Variants in VEPH1 observed in about 807,000 individuals in gnomAD.
The protein encoded by VEPH1 is ventricular zone expressed PH domain containing 1.
A neutral mutation model predicts 85.2 loss-of-function variants in VEPH1; 80 were observed. The ratio of observed to expected loss-of-function variants is 0.94; its 90% confidence interval spans 0.78 to 1.13. The LOEUF is 1.13. VEPH1 is among the 50% of genes most tolerant of loss of function. The pLI is 0.00. For synonymous variants in VEPH1, 297 were observed against 348.0 expected (o/e 0.85, Z 1.63); for missense variants, 955 against 980.5 (o/e 0.97, Z 0.35).
chr3:157,320,556 G>C (rs550380873), intron 9 of VEPH1, among the ~76,000 whole-genome samples: 1 of 152,150 alleles, frequency 6.6e-6, no homozygotes, highest in East Asian at 1.9e-4. Context: ...CATTTTTCTA[G>C]ACTAAATGTT....
At chr3:157,302,393 T>G (rs1195202355) in intron 11 of VEPH1, among the ~76,000 whole-genome samples, 1 of 152,094 alleles carries the variant, frequency 6.6e-6, no homozygotes, top group Non-Finnish European at 1.5e-5. Flanking sequence ...TACACCGAAA[T>G]CCTATCCCCC....
rs147379083 is a variant in VEPH1 at position 157,363,445 on chromosome 3, T to C, written c.1654A>G (p.Lys552Glu). The stretch of plus-strand genomic sequence containing the variant: ...GCTTTCACTTTGCTGAGGTTTTTTT[T>C]TAAGTGCAAGTAGAGCTTATCTTGG... ...EYQDKLYLHL[K>E]KNLSKVKAYA... Residue 552 changes from lysine (K) to glutamate (E), a missense_variant, in exon 9 of 14, where the codon AAA becomes GAA. Transcript: ENST00000362010. 1.6e-5 allele frequency: 26 copies of C among 1,613,552 alleles called. No homozygotes were observed. Among genetic ancestry groups the C allele is most frequent in the Admixed American group, 6.7e-5 (4 of 59,874 alleles).
At chr3:157,275,594 T>A (rs7622677) in intron 12 of VEPH1, among the ~76,000 whole-genome samples, 63,388 of 140,216 alleles carry the variant, frequency 0.45, 13,511 homozygotes, top group East Asian at 0.64. Context: ...CAACAAAAAA[T>A]ATATATATAT....
chr3:157,368,445 C>G (rs1559999809), intron 7 of VEPH1, among the ~76,000 whole-genome samples: 1 of 152,128 alleles, frequency 6.6e-6, no homozygotes, highest in African/African-American at 2.4e-5. Context: ...ACAGGACACT[C>G]AGCCAAATCT....
intron 13 of VEPH1, among the ~76,000 whole-genome samples, chr3:157,262,420 G>A (rs1470929702): frequency 2.6e-5 from 4 of 151,798 alleles, no homozygotes; most frequent in African/African-American, 9.7e-5. Context: ...ACTTGGAGAC[G>A]GATGGTCACA....
At chr3:157,456,800 T>G (rs981747446) in intron 4 of VEPH1, among the ~76,000 whole-genome samples, 1 of 151,988 alleles carries the variant, frequency 6.6e-6, no homozygotes, top group South Asian at 2.1e-4. Flanking sequence ...TTTGAAGTAA[T>G]ACAGTGTGAT....
chr3:157,457,209 G>A (rs565032705), intron 4 of VEPH1, among the ~76,000 whole-genome samples: 1 of 152,228 alleles, frequency 6.6e-6, no homozygotes, highest in Non-Finnish European at 1.5e-5. Flanking sequence ...GAGTGCTAGT[G>A]ACTTTTGTAC....
chr3:157,419,779 C>T (rs1415174787), intron 5 of VEPH1, among the ~76,000 whole-genome samples: 2 of 152,028 alleles, frequency 1.3e-5, no homozygotes, highest in African/African-American at 4.8e-5. Flanking sequence ...CTTCAAAGAC[C>T]CAGAACCAGA....
intron 12 of VEPH1, among the ~76,000 whole-genome samples, chr3:157,269,960 G>T (rs1460790604): frequency 6.6e-6 from 1 of 152,032 alleles, no homozygotes; most frequent in Non-Finnish European, 1.5e-5. Flanking sequence ...CCACAATTTG[G>T]CCAGGTGTGG....
At chr3:157,483,785 CT>C (rs1254687984) in intron 2 of VEPH1, among the ~76,000 whole-genome samples, 4 of 151,992 alleles carry the variant, frequency 2.6e-5, no homozygotes, top group Non-Finnish European at 5.9e-5. Context: ...TTTGTCTGTT[CT>C]TTTTTTGTAC....
intron 3 of VEPH1, among the ~76,000 whole-genome samples, chr3:157,465,428 A>T: frequency 6.6e-6 from 1 of 152,214 alleles, no homozygotes; most frequent in East Asian, 1.9e-4. Flanking sequence ...TATTTTGTCT[A>T]TTAAAGTCTA....
chr3:157,373,769 T>G (rs1727773567), intron 7 of VEPH1, among the ~76,000 whole-genome samples: 2 of 152,162 alleles, frequency 1.3e-5, no homozygotes. Context: ...ATGAAAAGCT[T>G]TCTTTTTTTG....
At chr3:157,489,699 T>C (rs71312214) in intron 2 of VEPH1, among the ~76,000 whole-genome samples, 6 of 133,592 alleles carry the variant, frequency 4.5e-5, no homozygotes, top group Non-Finnish European at 9.5e-5. Flanking sequence ...ATTAAATGGA[T>C]GATGTCAGAG....
chr3:157,415,815 T>C (rs1731873758), intron 5 of VEPH1, among the ~76,000 whole-genome samples: 1 of 152,152 alleles, frequency 6.6e-6, no homozygotes, highest in African/African-American at 2.4e-5. Flanking sequence ...TTATTCTGCC[T>C]GGAATTCTTG....
intron 9 of VEPH1, among the ~76,000 whole-genome samples, chr3:157,324,896 C>T (rs1559959927): frequency 6.6e-6 from 1 of 152,114 alleles, no homozygotes; most frequent in Non-Finnish European, 1.5e-5. Flanking sequence ...GCCTCTAGGT[C>T]TTTGAGGAAT....
chr3:157,360,046 A>T (rs10804778), intron 9 of VEPH1, among the ~76,000 whole-genome samples: 34,448 of 152,152 alleles, frequency 0.23, 4,761 homozygotes, highest in Admixed American at 0.43. Context: ...TGTTGCATTT[A>T]TATAAAAAAC....
At chr3:157,316,457 C>G (rs12489754) in intron 10 of VEPH1, among the ~76,000 whole-genome samples, 36,746 of 150,484 alleles carry the variant, frequency 0.24, 4,906 homozygotes, top group South Asian at 0.34. Context: ...AAAAATGATT[C>G]CTAAGATTCC....
intron 7 of VEPH1, among the ~76,000 whole-genome samples, chr3:157,374,431 T>G (rs1577485195): frequency 6.6e-6 from 1 of 152,368 alleles, no homozygotes; most frequent in East Asian, 1.9e-4. Flanking sequence ...GTACCTTCCC[T>G]GAACCAACAG....
chr3:157,363,864 G>A lies in VEPH1; in HGVS notation c.1338-103C>T. 2.2e-6 allele frequency: 3 copies of A among 1,344,048 alleles called. No homozygotes were observed. In the South Asian group the frequency reaches 4.4e-5, roughly 20 times the overall value. 83.3% of individuals were successfully genotyped at this position (1,344,048 alleles called of 1,614,324 possible). ...GGGACAAAAAGTTACTTCCTCTGGA[G>A]TGTGAAACTATTAACAGGCCTGATA... On this transcript the variant is annotated intron_variant, in intron 8 of 13. Transcript: ENST00000362010.
Sources: gnomAD v4.1 joint callset for allele counts (sites outside exome capture counted in the v4.1 genomes callset) on GRCh38, gnomAD v4.1.1 for gene constraint, MANE v1.5 for transcripts, NCBI Gene and HGNC (gene_info 2026-07-23, HGNC 2026-07-21) for gene names.